The following CACNA1C variants were observed in gnomAD, a reference collection of about 807,000 sequenced individuals.
CACNA1C encodes the protein voltage-dependent L-type calcium channel subunit alpha-1C.
In CACNA1C, 30 loss-of-function variants were observed where a neutral mutation model predicts 229.0. The observed-to-expected ratio is 0.13, with a 90% CI of 0.10 to 0.18. CACNA1C has a LOEUF of 0.18. Ranked by LOEUF, CACNA1C falls within the 10% of genes least tolerant of loss-of-function variation. CACNA1C has a pLI of 1.00. For synonymous variants in CACNA1C, 1,114 were observed against 1,132.5 expected, an observed-to-expected ratio of 0.98 and a Z score of 0.33; for missense variants, 1,658 against 2,845.0, an observed-to-expected ratio of 0.58 and a Z score of 9.49.
At chr12:2,673,339 G>A (rs999296669) in intron 38 of CACNA1C, among the ~76,000 whole-genome samples, 1 of 152,090 alleles carries the variant, frequency 6.6e-6, no homozygotes, top group Admixed American at 6.5e-5. Flanking sequence ...GGTGGCCCAT[G>A]CCTGTAATCC....
chr12:2,024,822 C>T (rs943682976), intron 1 of CACNA1C, among the ~76,000 whole-genome samples: 6 of 152,200 alleles, frequency 3.9e-5, no homozygotes, highest in East Asian at 1.9e-4. Context: ...CAACAAACCA[C>T]GAAGACCAAA....
At chr12:2,581,981 A>G (rs2060641392) in intron 14 of CACNA1C, among the ~76,000 whole-genome samples, 184 bp downstream of exon 14, 2 of 151,128 alleles carry the variant, frequency 1.3e-5, no homozygotes, top group Non-Finnish European at 2.9e-5. Context: ...TCTGCCATGG[A>G]ATTCCACTAG....
In CACNA1C at chr12:2,566,350, T is replaced by G; in HGVS notation, c.1509-72T>G. 7.4e-7 allele frequency: 1 copy of G among 1,358,066 alleles called. No homozygotes were observed. Among genetic ancestry groups the G allele is most frequent in the Admixed American group, 2.1e-5 (1 of 48,208 alleles). 84.1% of individuals were successfully genotyped at this position (1,358,066 alleles called of 1,614,324 possible). On this transcript the variant is annotated intron_variant, in intron 11 of 46. Coordinates refer to ENST00000399655, the MANE Select transcript of CACNA1C (RefSeq NM_000719.7). The surrounding 1 kb of genome is among the most constrained non-coding windows in gnomAD (Gnocchi z 4.0). ...CAGTGAGGGGCGAGAAGAGCCATGG[T>G]GCTGCATCTTGGGTTGGAGGAAACC...
chr12:2,347,699 A>G (rs2097088240), intron 3 of CACNA1C, among the ~76,000 whole-genome samples: 1 of 152,216 alleles, frequency 6.6e-6, no homozygotes, highest in Non-Finnish European at 1.5e-5. Flanking sequence ...ATGGGATTCC[A>G]TTCTCTGAGC....
intron 6 of CACNA1C, among the ~76,000 whole-genome samples, chr12:2,492,375 A>T (rs2099737352): frequency 1.3e-5 from 2 of 152,218 alleles, no homozygotes; most frequent in Admixed American, 1.3e-4. Flanking sequence ...CTGAGGAAGC[A>T]CACTCCCTAT....
intron 29 of CACNA1C, among the ~76,000 whole-genome samples, chr12:2,623,068 G>A (rs771510545): frequency 1.1e-4 from 16 of 152,166 alleles, no homozygotes; most frequent in East Asian, 3.8e-4. Flanking sequence ...CCAGGCCTTC[G>A]TCGTTCACTG....
intron 1 of CACNA1C, among the ~76,000 whole-genome samples, chr12:2,071,560 C>G (rs1252015677): frequency 6.6e-6 from 1 of 152,100 alleles, no homozygotes; most frequent in Admixed American, 6.5e-5. Flanking sequence ...CTCCCCTAGT[C>G]ACTCTATTTT....
At chr12:2,386,308 C>G (rs147350584) in intron 3 of CACNA1C, among the ~76,000 whole-genome samples, 1 of 152,240 alleles carries the variant, frequency 6.6e-6, no homozygotes, top group East Asian at 1.9e-4. Flanking sequence ...AAAGCTCCTC[C>G]GGTTGATTCT....
chr12:2,331,625 G>A lies in CACNA1C; in HGVS notation c.478-117351G>A, dbSNP rs564474860. Among the ~76,000 whole-genome samples the A allele has an allele frequency of 5.3e-5, 8 of 152,288 alleles. No homozygotes were observed. In the East Asian group the frequency reaches 7.7e-4, roughly 15 times the overall value. On this transcript the variant is annotated intron_variant, in intron 3 of 46. Coordinates refer to ENST00000399655, the MANE Select transcript of CACNA1C (RefSeq NM_000719.7). ...GACATACGGAAGTTAGTGAATAAAC[G>A]GGGCAGAATGAGGAAAACTTTTCCT...
chr12:2,135,818 G>A (rs7132581), intron 3 of CACNA1C, among the ~76,000 whole-genome samples: 1,949 of 146,412 alleles, frequency 0.013, 256 homozygotes, highest in African/African-American at 0.047. Flanking sequence ...GCCTCCTTGA[G>A]CTGTGGTAGG....
intron 1 of CACNA1C, among the ~76,000 whole-genome samples, chr12:2,025,817 G>C (rs1485279446): frequency 2.6e-5 from 4 of 152,110 alleles, no homozygotes; most frequent in African/African-American, 9.7e-5. Context: ...CCTCTTCTCA[G>C]GTTTTAAACT....
chr12:2,683,471 C>G (rs966062908), intron 43 of CACNA1C, among the ~76,000 whole-genome samples: 1 of 152,202 alleles, frequency 6.6e-6, no homozygotes, highest in Non-Finnish European at 1.5e-5. Context: ...CCCTCAAAGC[C>G]CTGTCTCATC....
intron 3 of CACNA1C, among the ~76,000 whole-genome samples, chr12:2,253,723 C>T (rs946095918): frequency 2.6e-5 from 4 of 152,220 alleles, no homozygotes; most frequent in Non-Finnish European, 4.4e-5. Flanking sequence ...TCTGCCTCTC[C>T]GTCCATCCAC....
intron 9 of CACNA1C, among the ~76,000 whole-genome samples, chr12:2,528,433 G>A (rs554113894): frequency 3.9e-5 from 6 of 152,310 alleles, no homozygotes; most frequent in Admixed American, 2.6e-4. Flanking sequence ...TCCTGGAATT[G>A]CACTTTTCCT....
intron 3 of CACNA1C, among the ~76,000 whole-genome samples, chr12:2,154,132 C>T (rs1373371317): frequency 6.6e-6 from 1 of 152,196 alleles, no homozygotes; most frequent in Non-Finnish European, 1.5e-5. Flanking sequence ...GTTCTTTTTC[C>T]TCCAGCTTCT....
At chr12:2,234,951 A>G (rs1423003487) in intron 3 of CACNA1C, among the ~76,000 whole-genome samples, 1 of 152,092 alleles carries the variant, frequency 6.6e-6, no homozygotes, top group East Asian at 1.9e-4. Context: ...CACCCTTTCC[A>G]TGGGTGAGGT....
chr12:2,004,461 G>C (rs1565897224), intron 1 of CACNA1C: 2 of 1,585,460 alleles, frequency 1.3e-6, no homozygotes, highest in Admixed American at 3.4e-5. Flanking sequence ...TAGGCACGGG[G>C]CTCTTGGAAG....
chr12:2,534,138 G>A (rs1467563721), intron 9 of CACNA1C, among the ~76,000 whole-genome samples: 2 of 152,076 alleles, frequency 1.3e-5, no homozygotes, highest in African/African-American at 4.8e-5. Flanking sequence ...GGGGCAGCAG[G>A]GCAAAGACCC....
intron 3 of CACNA1C, among the ~76,000 whole-genome samples, chr12:2,147,231 A>G (rs2094804538): frequency 6.6e-6 from 1 of 151,418 alleles, no homozygotes; most frequent in Non-Finnish European, 1.5e-5. Flanking sequence ...GAAATTGAGC[A>G]ATTTAGATTA....
Sources: gnomAD v4.1 joint callset for allele counts (sites outside exome capture counted in the v4.1 genomes callset) on GRCh38, gnomAD v4.1.1 for gene constraint, Gnocchi (gnomAD v3.1) non-coding constraint, MANE v1.5 for transcripts, NCBI Gene and HGNC (gene_info 2026-07-23, HGNC 2026-07-21) for gene names.